PTPN11: variants seen among roughly 807,000 people sequenced by gnomAD.
PTPN11 encodes the protein protein tyrosine phosphatase non-receptor type 11, also known as tyrosine-protein phosphatase non-receptor type 11.
Under a neutral mutation model 78.8 loss-of-function variants are expected in PTPN11, and 6 were observed. That is an observed-to-expected ratio of 0.08 (90% CI 0.04 to 0.15). PTPN11 has a LOEUF of 0.15. Ranked by LOEUF, PTPN11 falls within the 10% of genes least tolerant of loss-of-function variation. PTPN11 has a pLI of 1.00. For missense variants in PTPN11, 386 were observed against 744.8 expected (o/e 0.52, Z 5.61); for synonymous variants, 221 against 263.5 (o/e 0.84, Z 1.56).
chr12:112,430,662 C>T (rs940968507), intron 1 of PTPN11, among the ~76,000 whole-genome samples: 3 of 151,892 alleles, frequency 2.0e-5, no homozygotes, highest in Non-Finnish European at 2.9e-5. Context: ...GGTCTCAAAC[C>T]TTTGACCTCG....
At chr12:112,467,057 T>A (rs1249211495) in intron 6 of PTPN11, among the ~76,000 whole-genome samples, 1 of 151,968 alleles carries the variant, frequency 6.6e-6, no homozygotes, top group East Asian at 1.9e-4. Flanking sequence ...TTGGCAGGGG[T>A]CTGGGCTGGG....
chr12:112,498,506 G>A (rs1592860395), intron 13 of PTPN11, among the ~76,000 whole-genome samples: 3 of 152,222 alleles, frequency 2.0e-5, no homozygotes, highest in Admixed American at 2.0e-4. Context: ...GTAATTTAAG[G>A]TTTATGAATG....
At chr12:112,464,095 G>A (rs2038289529) in intron 6 of PTPN11, among the ~76,000 whole-genome samples, 1 of 152,164 alleles carries the variant, frequency 6.6e-6, no homozygotes, top group African/African-American at 2.4e-5. Context: ...TCTTCTTACA[G>A]TGTGCTCTGA....
intron 1 of PTPN11, among the ~76,000 whole-genome samples, chr12:112,430,210 G>A (rs2037690617): frequency 6.6e-6 from 1 of 151,782 alleles, no homozygotes; most frequent in Admixed American, 6.6e-5. Context: ...TAGTAGAGAT[G>A]GGGCTGGTCT....
chr12:112,450,173 C>T lies in PTPN11; in HGVS notation c.138-145C>T, dbSNP rs1264859565. ...GTTGACATGTGGTTATTTCACCCAT[C>T]GTATTTCTTATAGGGAATAGGTAAA... On this transcript the variant is annotated intron_variant, in intron 2 of 15. Coordinates refer to ENST00000351677, the MANE Select transcript of PTPN11 (RefSeq NM_002834.5). 40 of 702,818 alleles carry T rather than the reference C, an allele frequency of 5.7e-5. No individual in the cohort carries two copies. In the Admixed American group the frequency reaches 6.0e-4, roughly 10 times the overall value. The allele number at this position is 702,818 out of a possible 1,614,324, so 43.5% of individuals were successfully genotyped here. A position where few individuals can be genotyped will look rare whatever the true frequency, so the allele number is the denominator to read the frequency against.
chr12:112,436,326 A>G (rs772426403), intron 1 of PTPN11, among the ~76,000 whole-genome samples: 2 of 152,196 alleles, frequency 1.3e-5, no homozygotes, highest in Admixed American at 6.6e-5. Context: ...AATGCTTTAT[A>G]TGCTTTATAG....
At chr12:112,441,469 C>G (rs986147900) in intron 1 of PTPN11, among the ~76,000 whole-genome samples, 5 of 151,058 alleles carry the variant, frequency 3.3e-5, no homozygotes, top group Non-Finnish European at 5.9e-5. Flanking sequence ...TGCCATTTTG[C>G]CCAGGCTGGT....
chr12:112,474,558 A>T (rs896797136), intron 7 of PTPN11, among the ~76,000 whole-genome samples: 3 of 151,870 alleles, frequency 2.0e-5, no homozygotes, highest in African/African-American at 7.3e-5. Context: ...GCAAAGCCCA[A>T]GTTGAATCAT....
At chr12:112,441,009 G>A (rs1204494478) in intron 1 of PTPN11, among the ~76,000 whole-genome samples, 1 of 149,334 alleles carries the variant, frequency 6.7e-6, no homozygotes, top group East Asian at 2.0e-4. Flanking sequence ...TGTTGCCCAG[G>A]CTAGAGTGCA....
rs1335918635 is a variant in PTPN11, at chr12:112,453,318, C to T, written c.456C>T (p.Arg152=). Residue 152 remains arginine (R), a synonymous_variant, in exon 4 of 16, where the codon CGC becomes CGT. Transcript: ENST00000351677. ...CTGGAGATTTTGTTCTTTCTGTGCGCACTGGTGATGACAAAGGGGAGAGCA... is the reference window on the plus strand; with the variant it reads ...CTGGAGATTTTGTTCTTTCTGTGCGTACTGGTGATGACAAAGGGGAGAGCA... ...SHPGDFVLSV[R]TGDDKGESND... The T allele has an allele frequency of 9.9e-6, 16 of 1,613,922 alleles. No homozygotes were observed. The highest frequency in any genetic ancestry group is 1.3e-5 in the Non-Finnish European group (15 of 1,180,022).
At position 112,509,916 on chromosome 12, in the gene PTPN11, G is replaced by A. The variant is rs1156953457; in HGVS notation, c.*4124G>A. On this transcript the variant is annotated 3_prime_UTR_variant, in exon 16 of 16. Coordinates refer to ENST00000351677, the MANE Select transcript of PTPN11 (RefSeq NM_002834.5). Reference sequence around the variant, plus strand: ...AATAAAACCATTTTCTTATATGATGGCATTTGTCGTTTGCTTCATCAGAAA... The same window carrying A: ...AATAAAACCATTTTCTTATATGATGACATTTGTCGTTTGCTTCATCAGAAA... The A allele has an allele frequency of 6.6e-6, 1 of 152,158 alleles. No homozygotes were observed. Among genetic ancestry groups the A allele is most frequent in the East Asian group, 1.9e-4 (1 of 5,204 alleles). The allele number at this position is 152,158 out of a possible 1,614,324, so 9.4% of individuals were successfully genotyped here. A position where few individuals can be genotyped will look rare whatever the true frequency, so the allele number is the denominator to read the frequency against.
chr12:112,474,664 G>C (rs1306725890), intron 7 of PTPN11, among the ~76,000 whole-genome samples: 1 of 151,880 alleles, frequency 6.6e-6, no homozygotes, highest in Non-Finnish European at 1.5e-5. Context: ...GCCCAGGCTG[G>C]AGTGCAGTGG....
At chr12:112,480,366 C>G in intron 9 of PTPN11, among the ~76,000 whole-genome samples, 1 of 130,292 alleles carries the variant, frequency 7.7e-6, no homozygotes, top group Admixed American at 7.7e-5. Context: ...CCACATCGTT[C>G]TTTTTTTTTT....
At chr12:112,475,949 TC>T in intron 7 of PTPN11, among the ~76,000 whole-genome samples, 1 of 152,196 alleles carries the variant, frequency 6.6e-6, no homozygotes, top group Admixed American at 6.5e-5. Flanking sequence ...GGAAGCCTTA[TC>T]CTTTTTTTTT....
intron 10 of PTPN11, among the ~76,000 whole-genome samples, chr12:112,483,726 G>A (rs917925210): frequency 3.3e-5 from 5 of 152,174 alleles, no homozygotes; most frequent in African/African-American, 1.2e-4. Flanking sequence ...CTAGGCCAGT[G>A]CCCAGGGTGC....
At chr12:112,447,011 T>G (rs2038003376) in intron 2 of PTPN11, among the ~76,000 whole-genome samples, 1 of 152,008 alleles carries the variant, frequency 6.6e-6, no homozygotes, top group Non-Finnish European at 1.5e-5. Context: ...GACTCCAGGC[T>G]TGTGCCACCA....
chr12:112,438,408 C>G (rs1196534699), intron 1 of PTPN11, among the ~76,000 whole-genome samples: 1 of 152,030 alleles, frequency 6.6e-6, no homozygotes, highest in Admixed American at 6.6e-5. Context: ...ACTGCATCCT[C>G]AAGCTGCTGG....
chr12:112,465,272 A>C (rs2038309165), intron 6 of PTPN11, among the ~76,000 whole-genome samples: 1 of 152,028 alleles, frequency 6.6e-6, no homozygotes, highest in South Asian at 2.1e-4. Flanking sequence ...TTTCTAGTAA[A>C]AAATACAAAA....
In PTPN11 at chr12:112,508,526, G is replaced by A. The variant is rs2038963386; in HGVS notation, c.*2734G>A. ...GAATGAGGTTGTTTGGAAAGTCGGT[G>A]TGACAGACACATGGATGCCATCTAC... is the stretch of plus-strand genomic sequence containing the variant. On this transcript the variant is annotated 3_prime_UTR_variant, in exon 16 of 16. Coordinates refer to ENST00000351677, the MANE Select transcript of PTPN11 (RefSeq NM_002834.5). The A allele has an allele frequency of 6.6e-6, 1 of 152,400 alleles. No individual in the cohort carries two copies. Among genetic ancestry groups the A allele is most frequent in the African/African-American group, 2.4e-5 (1 of 41,468 alleles). 9.4% of individuals were successfully genotyped at this position (152,400 alleles called of 1,614,324 possible). A position where few individuals can be genotyped will look rare whatever the true frequency, so the allele number is the denominator to read the frequency against.
Sources: gnomAD v4.1 joint callset for allele counts (sites outside exome capture counted in the v4.1 genomes callset) on GRCh38, gnomAD v4.1.1 for gene constraint, MANE v1.5 for transcripts, NCBI Gene and HGNC (gene_info 2026-07-23, HGNC 2026-07-21) for gene names.